ST7: variants seen among roughly 807,000 people sequenced by gnomAD.
The protein encoded by ST7 is suppressor of tumorigenicity 7 protein.
A neutral mutation model predicts 78.7 loss-of-function variants in ST7; 28 were observed. That is an observed-to-expected ratio of 0.36 (90% confidence interval 0.26 to 0.49). The LOEUF is 0.49. Among genes scored for constraint, ST7 ranks in the 20% least tolerant of loss-of-function variants. The probability of loss-of-function intolerance (pLI) is 0.99; values close to 1 mark genes in which losing one functional copy is unlikely to be tolerated. For synonymous variants in ST7, 247 were observed against 249.6 expected (o/e 0.99, Z 0.10); for missense variants, 418 against 696.0 (o/e 0.60, Z 4.49).
At chr7:117,218,079 GA>G (rs1792827584) in intron 13 of ST7, among the ~76,000 whole-genome samples, 1 of 152,176 alleles carries the variant, frequency 6.6e-6, no homozygotes, top group South Asian at 2.1e-4. Context: ...AGCATTTTGA[GA>G]AGGCTCTGGT....
At chr7:117,134,406 C>T (rs1195043996) in intron 7 of ST7, among the ~76,000 whole-genome samples, 1 of 151,954 alleles carries the variant, frequency 6.6e-6, no homozygotes, top group Admixed American at 6.6e-5. Context: ...CTTTTTCCTT[C>T]ACTCACAAGC....
At position 117,220,306 on chromosome 7, in the gene ST7, G is replaced by A. The variant is rs73470850; in HGVS notation, c.1498+1130G>A. The stretch of plus-strand genomic sequence containing the variant: ...TGCGAGATTTGTTACTCAGGGAACT[G>A]GGAGATCCCCGTGATGTGTTTCTCA... On this transcript the variant is annotated intron_variant, in intron 14 of 15. Transcript: ENST00000323984. 6.8e-3 allele frequency among the ~76,000 whole-genome samples: 1,028 copies of A among 152,270 alleles called. 11 individuals are homozygous for A. Among genetic ancestry groups the A allele is most frequent in the African/African-American group, 0.022 (929 of 41,554 alleles).
chr7:117,229,184 T>A (rs1169403654), intron 15 of ST7, among the ~76,000 whole-genome samples: 1 of 152,190 alleles, frequency 6.6e-6, no homozygotes, highest in Admixed American at 6.5e-5. Context: ...CAAGGATCTG[T>A]CCTCCATGGA....
chr7:117,164,912 C>T (rs900760805), intron 9 of ST7, among the ~76,000 whole-genome samples: 3 of 152,082 alleles, frequency 2.0e-5, no homozygotes, highest in African/African-American at 4.8e-5. Flanking sequence ...ATGATCTCCA[C>T]GGACTCTTCT....
intron 1 of ST7, among the ~76,000 whole-genome samples, chr7:116,992,800 C>CT (rs1188234751): frequency 6.6e-6 from 1 of 152,196 alleles, no homozygotes; most frequent in Non-Finnish European, 1.5e-5. Flanking sequence ...AAATGGAATG[C>CT]TTTTAACAGC....
At chr7:117,025,364 G>A (rs1196715048) in intron 1 of ST7, among the ~76,000 whole-genome samples, 2 of 152,128 alleles carry the variant, frequency 1.3e-5, no homozygotes, top group African/African-American at 4.8e-5. Flanking sequence ...TGGCATTTTA[G>A]TACTCTATTT....
At chr7:117,226,397 A>G (rs1793448213) in intron 15 of ST7, among the ~76,000 whole-genome samples, 1 of 152,100 alleles carries the variant, frequency 6.6e-6, no homozygotes, top group South Asian at 2.1e-4. Flanking sequence ...AGTTTTAGAC[A>G]TCGAGATAAA....
At chr7:117,144,773 GCTGT>G (rs370099026) in intron 9 of ST7, among the ~76,000 whole-genome samples, 1 of 152,062 alleles carries the variant, frequency 6.6e-6, no homozygotes. Flanking sequence ...TAAAATTATA[GCTGT>G]CTATTTTTTG....
chr7:117,168,888 T>C (rs1563137873), intron 9 of ST7, among the ~76,000 whole-genome samples: 1 of 152,228 alleles, frequency 6.6e-6, no homozygotes, highest in Non-Finnish European at 1.5e-5. Flanking sequence ...CTGTTTTTGG[T>C]ATTATTTCTC....
At chr7:116,986,764 T>TAG (rs200847894) in intron 1 of ST7, among the ~76,000 whole-genome samples, 1 of 151,622 alleles carries the variant, frequency 6.6e-6, no homozygotes, top group South Asian at 2.1e-4. Context: ...AGTCTGGAGG[T>TAG]AGAGAGAGAG....
chr7:116,967,517 A>G (rs1386439285), intron 1 of ST7: 1 of 401,404 alleles, frequency 2.5e-6, no homozygotes, highest in Non-Finnish European at 5.3e-6. Context: ...CCTTTCTGCT[A>G]ATTGTGTCCA....
chr7:117,112,121 T>TAA (rs529740347), intron 2 of ST7, among the ~76,000 whole-genome samples: 71 of 152,110 alleles, frequency 4.7e-4, no homozygotes, highest in African/African-American at 1.7e-3. Context: ...TATATATATA[T>TAA]AACAGAGGTA....
In ST7 at chr7:117,082,530, T is replaced by C. The variant is rs564949747; in HGVS notation, c.152-17232T>C. 2.6e-3 allele frequency among the ~76,000 whole-genome samples: 401 copies of C among 152,362 alleles called. 3 individuals are homozygous for C. The highest frequency in any genetic ancestry group is 9.3e-3 in the African/African-American group (385 of 41,586). ...AGGAATGGCAGCATCATTGGGATACTGATCGACTTCCCAAATGATGTAACT... is the reference window on the plus strand; with the variant it reads ...AGGAATGGCAGCATCATTGGGATACCGATCGACTTCCCAAATGATGTAACT... On this transcript the variant is annotated intron_variant, in intron 1 of 15. Coordinates refer to ENST00000323984, the MANE Select transcript of ST7 (RefSeq NM_001369598.1).
intron 1 of ST7, chr7:116,973,032 AT>A (rs1793513083): frequency 7.4e-6 from 5 of 672,176 alleles, no homozygotes; most frequent in Non-Finnish European, 1.4e-5. Flanking sequence ...AGCAGTATGG[AT>A]TCATGGATAT....
Position 117,219,752 on chromosome 7 carries a change from G to A in ST7, c.1498+576G>A, listed in dbSNP as rs370407040. 6.6e-6 allele frequency among the ~76,000 whole-genome samples: 1 copy of A among 152,248 alleles called. No individual in the cohort carries two copies. The highest frequency in any genetic ancestry group is 1.5e-5 in the Non-Finnish European group (1 of 68,044). On this transcript the variant is annotated intron_variant, in intron 14 of 15. Transcript: ENST00000323984. This position sits in a 1 kb window ranked among gnomAD's most constrained non-coding sequence, Gnocchi z 5.1. ...TCGGAGTACCATGTGCAGAGCACAC[G>A]TGTAGCCTCAGCACTGTATGAAAGC... is the stretch of plus-strand genomic sequence containing the variant.
intron 1 of ST7, chr7:117,071,947 C>T (rs555235761): frequency 6.6e-6 from 1 of 152,308 alleles, no homozygotes; most frequent in South Asian, 2.1e-4. Flanking sequence ...GGCAATCCCT[C>T]GTGGTATAAG....
At chr7:117,084,487 G>C (rs1799996587) in intron 1 of ST7, among the ~76,000 whole-genome samples, 1 of 152,144 alleles carries the variant, frequency 6.6e-6, no homozygotes, top group East Asian at 1.9e-4. Context: ...GAAGCCCTTA[G>C]AACAATGGTT....
At chr7:117,134,802 G>GT (rs1804647031) in intron 7 of ST7, among the ~76,000 whole-genome samples, 1 of 151,944 alleles carries the variant, frequency 6.6e-6, no homozygotes, top group Admixed American at 6.6e-5. Context: ...GTAGAAATTG[G>GT]TTTTATAGCT....
At chr7:117,077,761 C>A (rs1246854317) in intron 1 of ST7, among the ~76,000 whole-genome samples, 1 of 151,774 alleles carries the variant, frequency 6.6e-6, no homozygotes, top group Non-Finnish European at 1.5e-5. Flanking sequence ...GAAAAAAATA[C>A]CTATGTTATC....
Sources: allele counts gnomAD v4.1 joint callset (sites outside exome capture counted in the v4.1 genomes callset), GRCh38; gene constraint gnomAD v4.1.1; non-coding constraint Gnocchi (gnomAD v3.1); transcripts MANE v1.5; gene names NCBI Gene and HGNC (gene_info 2026-07-23, HGNC 2026-07-21).